The following CTDP1 variants were observed in gnomAD, a reference collection of about 807,000 sequenced individuals.
The protein encoded by CTDP1 is RNA polymerase II subunit A C-terminal domain phosphatase.
Under a neutral mutation model 91.8 loss-of-function variants are expected in CTDP1, and 47 were observed. The observed-to-expected ratio is 0.51, with a 90% CI of 0.41 to 0.65. CTDP1 has a LOEUF of 0.65. CTDP1 is among the 30% of genes least tolerant of loss of function. CTDP1 has a pLI of 0.00. For missense variants in CTDP1, 1,272 were observed against 1,373.7 expected (o/e 0.93, Z 1.17); for synonymous variants, 656 against 598.5 (o/e 1.10, Z -1.40).
chr18:79,748,147 G>GCTA (rs1260295896), intron 12 of CTDP1, among the ~76,000 whole-genome samples: 1 of 152,224 alleles, frequency 6.6e-6, no homozygotes, highest in Non-Finnish European at 1.5e-5. Flanking sequence ...AGGAAGTGAA[G>GCTA]CTAGTATCAG....
chr18:79,682,850 G>A (rs563379038), intron 1 of CTDP1, among the ~76,000 whole-genome samples: 36 of 152,270 alleles, frequency 2.4e-4, no homozygotes, highest in African/African-American at 7.5e-4. Flanking sequence ...AGAGAATATT[G>A]GGCATAATTC....
chr18:79,742,528 G>A (rs62099608), intron 12 of CTDP1, among the ~76,000 whole-genome samples: 4,899 of 152,346 alleles, frequency 0.032, 139 homozygotes, highest in Non-Finnish European at 0.049. Flanking sequence ...CTGAAAGCAG[G>A]TGACTTAGAT....
intron 5 of CTDP1, among the ~76,000 whole-genome samples, chr18:79,706,874 C>T (rs913663298): frequency 2.6e-5 from 4 of 152,270 alleles, no homozygotes; most frequent in South Asian, 2.1e-4. Flanking sequence ...CCAGCGGGCA[C>T]AGCCCGGTGA....
chr18:79,720,478 G>A (rs522043), intron 10 of CTDP1, among the ~76,000 whole-genome samples: 30,426 of 148,682 alleles, frequency 0.2, 3,286 homozygotes, highest in Middle Eastern at 0.33. Context: ...TTAGGAGGGC[G>A]TCCTCGTGAT....
At chr18:79,743,634 G>A (rs1010298822) in intron 12 of CTDP1, among the ~76,000 whole-genome samples, 33 of 151,720 alleles carry the variant, frequency 2.2e-4, no homozygotes, top group African/African-American at 6.5e-4. Flanking sequence ...GGTTCATGGC[G>A]TGCATGGATG....
At position 79,712,961 on chromosome 18, in the gene CTDP1, T is replaced by G. The variant is rs1338652728; in HGVS notation, c.864-11T>G. Reference sequence around the variant, plus strand: ...TATTATTTTTTGTAAATTATGCATTTTCACTTGTAGAAATCTCTTTCCTTG... The same window carrying G: ...TATTATTTTTTGTAAATTATGCATTGTCACTTGTAGAAATCTCTTTCCTTG... On this transcript the variant is annotated splice_polypyrimidine_tract_variant and intron_variant, in intron 6 of 12. Transcript: ENST00000613122. The G allele has an allele frequency of 6.8e-6, 11 of 1,613,640 alleles. No individual in the cohort carries two copies. Among genetic ancestry groups the G allele is most frequent in the African/African-American group, 4.0e-5 (3 of 74,918 alleles).
Position 79,680,119 on chromosome 18 carries a change from G to T in CTDP1, c.172G>T (p.Ala58Ser), listed in dbSNP as rs1273651504. 6 of 1,423,930 alleles carry T rather than the reference G, an allele frequency of 4.2e-6. No homozygotes were observed. In the Admixed American group the frequency reaches 1.0e-4, roughly 25 times the overall value. The allele number at this position is 1,423,930 out of a possible 1,614,324, so 88.2% of individuals were successfully genotyped here. The change falls in exon 1 of 13, where the codon GCG (alanine) becomes TCG (serine). Residue 58 changes from alanine (A) to serine (S), a missense_variant. Around this residue, in one of 3 missense-constraint regions of CTDP1, gnomAD observed 214 missense variants for 179.1 expected, o/e 1.19. Transcript: ENST00000613122. ...GGCCGTGTTCGAGGCCGCCGCCTCC[G>T]CGCAGTCCTCCGGGGCCTCTCAGTC... ...VLAVFEAAAS[A>S]QSSGASQSRV...
chr18:79,681,721 A>G (rs1379435962), intron 1 of CTDP1, among the ~76,000 whole-genome samples: 3 of 152,070 alleles, frequency 2.0e-5, no homozygotes, highest in South Asian at 2.1e-4. Context: ...CACTGATGTG[A>G]TATCATTTCT....
chr18:79,722,570 G>GGCT (rs1329740428), intron 10 of CTDP1, among the ~76,000 whole-genome samples: 2 of 152,110 alleles, frequency 1.3e-5, no homozygotes, highest in Admixed American at 6.5e-5. Flanking sequence ...GCGTTGTTGT[G>GGCT]GCTGCAGCAG....
chr18:79,681,606 T>TCAGC (rs2085370952), intron 1 of CTDP1: 1 of 451,944 alleles, frequency 2.2e-6, no homozygotes, highest in South Asian at 9.4e-5. Flanking sequence ...CATCAGTCAG[T>TCAGC]CAGCCAGCCA....
downstream of CTDP1, chr18:79,755,271 G>T (rs1344393399): frequency 6.6e-6 from 1 of 152,172 alleles, no homozygotes; most frequent in Non-Finnish European, 1.5e-5. Flanking sequence ...GAGTGAAGAG[G>T]CAGCTTCACC....
intron 4 of CTDP1, among the ~76,000 whole-genome samples, chr18:79,699,306 G>A (rs2085808779): frequency 1.3e-5 from 2 of 152,122 alleles, no homozygotes; most frequent in South Asian, 4.1e-4. Context: ...TGTCACCCAG[G>A]CTGGAGTGCA....
intron 10 of CTDP1, among the ~76,000 whole-genome samples, chr18:79,721,818 A>AT (rs979375209): frequency 2.7e-5 from 4 of 146,498 alleles, no homozygotes; most frequent in Non-Finnish European, 5.9e-5. Context: ...TTTCTTCAGT[A>AT]TTTTTATTTA....
intron 5 of CTDP1, 33 bp from the exon 6 acceptor site, chr18:79,710,313 G>T (rs757674191): frequency 2.1e-5 from 33 of 1,548,304 alleles, no homozygotes; most frequent in Non-Finnish European, 2.9e-5. Flanking sequence ...CGTGTCTCAG[G>T]TATGTAATCT....
chr18:79,712,921 A>G, intron 6 of CTDP1, 51 bp from the exon 7 acceptor site: 1 of 1,585,920 alleles, frequency 6.3e-7, no homozygotes, highest in South Asian at 1.1e-5. Flanking sequence ...AAGATGAATG[A>G]CTACAACTTT....
rs201497065 is a variant in CTDP1, at chr18:79,684,402, C to T, written c.314+4141C>T. ...TGTCGGTTACTGAGGCGGAGCACTG[C>T]GGAGAGAGGTAATGGAACCTGTGGC... On this transcript the variant is annotated intron_variant, in intron 1 of 12. Transcript: ENST00000613122. Among the ~76,000 whole-genome samples, 11 of 152,316 alleles carry T rather than the reference C, an allele frequency of 7.2e-5. No homozygotes were observed. The East Asian group carries it at 1.2e-3, about 16-fold the overall frequency.
chr18:79,753,931 A>C lies in CTDP1; in HGVS notation c.*141A>C. The C allele has an allele frequency of 8.6e-7, 1 of 1,166,570 alleles. No individual in the cohort carries two copies. Among genetic ancestry groups the C allele is most frequent in the South Asian group, 1.5e-5 (1 of 68,582 alleles). The allele number at this position is 1,166,570 out of a possible 1,614,324, so 72.3% of individuals were successfully genotyped here. ...TGCAGAGCTCCACATACAGAAACAC[A>C]TTATTTTGCAGAAATAGGTGTTTTT... is the stretch of plus-strand genomic sequence containing the variant. On this transcript the variant is annotated 3_prime_UTR_variant, in exon 13 of 13. Coordinates refer to ENST00000613122, the MANE Select transcript of CTDP1 (RefSeq NM_004715.5).
chr18:79,748,095 G>T (rs1226100182), intron 12 of CTDP1, among the ~76,000 whole-genome samples: 1 of 152,218 alleles, frequency 6.6e-6, no homozygotes, highest in East Asian at 1.9e-4. Context: ...GAGCTGTGCA[G>T]CTGGTTGTAT....
At chr18:79,708,624 T>C (rs565937097) in intron 5 of CTDP1, among the ~76,000 whole-genome samples, 6 of 152,346 alleles carry the variant, frequency 3.9e-5, no homozygotes, top group Admixed American at 3.9e-4. Flanking sequence ...GGTTGGACTT[T>C]GGGTTCACAG....
Sources: gnomAD v4.1 joint callset for allele counts (sites outside exome capture counted in the v4.1 genomes callset) on GRCh38, gnomAD v4.1.1 for gene constraint, gnomAD v4.1.1 regional missense constraint, MANE v1.5 for transcripts, NCBI Gene and HGNC (gene_info 2026-07-23, HGNC 2026-07-21) for gene names.